Variants in MAN2A1 observed in about 807,000 individuals in gnomAD.
The protein encoded by MAN2A1 is mannosidase alpha class 2A member 1.
MAN2A1 carries 76 observed loss-of-function variants against 142.6 expected under a neutral mutation model. The observed-to-expected ratio is 0.53, with a 90% CI of 0.44 to 0.65. MAN2A1 has a LOEUF of 0.65. Ranked by LOEUF, MAN2A1 falls within the 30% of genes least tolerant of loss-of-function variation. The probability of loss-of-function intolerance (pLI) is 0.00; values close to 1 mark genes in which losing one functional copy is unlikely to be tolerated. For missense variants in MAN2A1, 1,311 were observed against 1,365.1 expected (o/e 0.96, Z 0.62); for synonymous variants, 559 against 473.2 (o/e 1.18, Z -2.35).
chr5:109,804,517 TTG>T (rs1424692414), intron 12 of MAN2A1, among the ~76,000 whole-genome samples: 1 of 152,152 alleles, frequency 6.6e-6, no homozygotes, highest in Non-Finnish European at 1.5e-5. Context: ...CTTTTATCCC[TTG>T]TGACATTGTG....
chr5:109,725,704 G>A (rs1030764991), intron 3 of MAN2A1, among the ~76,000 whole-genome samples: 3 of 152,176 alleles, frequency 2.0e-5, no homozygotes, highest in Non-Finnish European at 4.4e-5. Context: ...GGTACTTAGT[G>A]TATATGCCCT....
intron 18 of MAN2A1, among the ~76,000 whole-genome samples, chr5:109,847,078 A>G (rs1034988536): frequency 6.6e-6 from 1 of 152,182 alleles, no homozygotes; most frequent in Non-Finnish European, 1.5e-5. Context: ...ATATTGATAC[A>G]ATTTTTTAAA....
intron 12 of MAN2A1, among the ~76,000 whole-genome samples, chr5:109,801,047 A>G (rs951265582): frequency 8.5e-5 from 13 of 152,158 alleles, no homozygotes; most frequent in Non-Finnish European, 1.5e-4. Context: ...TCTTGTATGT[A>G]TAGTGTTTCA....
In MAN2A1 at chr5:109,819,695, A is replaced by G. The variant is rs751070682; in HGVS notation, c.2136A>G (p.Pro712=). 2 of 1,607,556 alleles carry G rather than the reference A, an allele frequency of 1.2e-6. No individual in the cohort carries two copies. Among genetic ancestry groups the G allele is most frequent in the African/African-American group, 2.7e-5 (2 of 74,662 alleles). ...YEISFRAHIP[P]LGLKVYKILE... is the part of the protein sequence containing the mutation. ...TCTCTTTTCGAGCACATATACCGCCATTGGGACTGAAAGTGTATAAGATTT... is the reference window on the plus strand; with the variant it reads ...TCTCTTTTCGAGCACATATACCGCCGTTGGGACTGAAAGTGTATAAGATTT... The change falls in exon 14 of 22, where the codon CCA becomes CCG. Residue 712 remains proline (P), a synonymous_variant. Coordinates refer to ENST00000261483, the MANE Select transcript of MAN2A1 (RefSeq NM_002372.4).
In MAN2A1 at chr5:109,690,520, A is replaced by G; in HGVS notation, c.103A>G (p.Arg35Gly). 1 of 1,612,138 alleles carries G rather than the reference A, an allele frequency of 6.2e-7. No individual in the cohort carries two copies. Among genetic ancestry groups the G allele is most frequent in the African/African-American group, 1.3e-5 (1 of 74,974 alleles). ...MLDRGHLDYP[R>G]NPRREGSFPQ... The stretch of plus-strand genomic sequence containing the variant: ...GGACCGGGGTCACTTAGACTACCCC[A>G]GGAACCCGCGCCGCGAGGGCTCCTT... Residue 35 changes from arginine to glycine, a missense_variant, in exon 1 of 22, where the codon AGG (arginine) becomes GGG (glycine). Physicochemically the swap from Arg to Gly is moderately radical, Grantham distance 125 (BLOSUM62 -2). Coordinates refer to ENST00000261483, the MANE Select transcript of MAN2A1 (RefSeq NM_002372.4).
At chr5:109,795,096 A>G (rs1473339486) in intron 12 of MAN2A1, among the ~76,000 whole-genome samples, 4 of 152,174 alleles carry the variant, frequency 2.6e-5, no homozygotes, top group African/African-American at 9.6e-5. Flanking sequence ...AATTATTTGC[A>G]TTGACTAGTG....
intron 4 of MAN2A1, among the ~76,000 whole-genome samples, chr5:109,731,203 TTCTTG>T (rs1187994948): frequency 6.6e-6 from 1 of 151,956 alleles, no homozygotes; most frequent in Non-Finnish European, 1.5e-5. Context: ...ATTTATCATT[TTCTTG>T]TCTTAGGAAT....
At chr5:109,723,871 T>A (rs1289876920) in intron 3 of MAN2A1, among the ~76,000 whole-genome samples, 1 of 152,238 alleles carries the variant, frequency 6.6e-6, no homozygotes, top group Non-Finnish European at 1.5e-5. Flanking sequence ...TTTCTTCTTT[T>A]CTTTTGGTAA....
intron 8 of MAN2A1, 24 bp downstream of exon 8, chr5:109,774,989 C>A: frequency 1.3e-6 from 2 of 1,503,300 alleles, no homozygotes; most frequent in Non-Finnish European, 1.8e-6. Flanking sequence ...ATTTATGATT[C>A]CGTATTTGAA....
chr5:109,847,520 G>T (rs536011924), intron 18 of MAN2A1, 137 bp from the exon 19 acceptor site: 3 of 624,988 alleles, frequency 4.8e-6, no homozygotes, highest in South Asian at 7.7e-5. Flanking sequence ...TGGTGTAGTG[G>T]GTTGTATAAA....
chr5:109,824,011 A>G (rs1754696993), intron 16 of MAN2A1, among the ~76,000 whole-genome samples, 174 bp downstream of exon 16: 1 of 152,248 alleles, frequency 6.6e-6, no homozygotes, highest in South Asian at 2.1e-4. Context: ...AAAAAATGGT[A>G]AAACGTTTCA....
At chr5:109,779,598 T>C (rs1439763782) in intron 8 of MAN2A1, among the ~76,000 whole-genome samples, 2 of 147,692 alleles carry the variant, frequency 1.4e-5, no homozygotes, top group Non-Finnish European at 1.5e-5. Flanking sequence ...CACACAGTCT[T>C]CTTCCTAGTA....
chr5:109,692,604 T>C (rs1273870228), intron 1 of MAN2A1, among the ~76,000 whole-genome samples: 2 of 152,188 alleles, frequency 1.3e-5, no homozygotes, highest in Non-Finnish European at 2.9e-5. Flanking sequence ...AGCTGAGATT[T>C]GAACAGGTAG....
intron 12 of MAN2A1, among the ~76,000 whole-genome samples, chr5:109,816,643 A>T (rs1443142939): frequency 1.3e-5 from 2 of 152,188 alleles, no homozygotes; most frequent in Admixed American, 6.5e-5. Context: ...ACTGGAACTC[A>T]TTGTGATGAA....
chr5:109,758,596 G>A (rs930466742), intron 5 of MAN2A1, among the ~76,000 whole-genome samples: 2 of 150,728 alleles, frequency 1.3e-5, no homozygotes, highest in African/African-American at 2.4e-5. Context: ...TTATAAAGAT[G>A]TACTACTGTC....
chr5:109,830,267 C>T lies in MAN2A1; in HGVS notation c.2566+6430C>T, dbSNP rs770981923. On this transcript the variant is annotated intron_variant, in intron 16 of 21. Coordinates refer to ENST00000261483, the MANE Select transcript of MAN2A1 (RefSeq NM_002372.4). ...TTGGAGATCCAAATCCTTAGTTTTG[C>T]CTCTAAGCAAACTAGAGGAGTATGG... is the stretch of plus-strand genomic sequence containing the variant. Among the ~76,000 whole-genome samples, 63 of 152,308 alleles carry T rather than the reference C, an allele frequency of 4.1e-4. 1 individual carries two copies. The highest frequency in any genetic ancestry group is 3.4e-3 in the Middle Eastern group (1 of 294).
At chr5:109,842,114 A>T (rs79123305) in intron 16 of MAN2A1, among the ~76,000 whole-genome samples, 3,929 of 152,318 alleles carry the variant, frequency 0.026, 176 homozygotes, top group African/African-American at 0.089. Flanking sequence ...TCTTTAGATG[A>T]ATAATATGCT....
At chr5:109,759,352 A>G (rs1378170593) in intron 5 of MAN2A1, among the ~76,000 whole-genome samples, 1 of 151,972 alleles carries the variant, frequency 6.6e-6, no homozygotes, top group Admixed American at 6.6e-5. Context: ...TCTTAATTTC[A>G]TTTTAGGATT....
At chr5:109,819,513 T>G (rs918077647) in intron 13 of MAN2A1, among the ~76,000 whole-genome samples, 156 bp from the exon 14 acceptor site, 3 of 152,198 alleles carry the variant, frequency 2.0e-5, no homozygotes, top group Admixed American at 1.3e-4. Context: ...TGTAATTGGT[T>G]GAAACTGTGG....
Sources: allele counts gnomAD v4.1 joint callset (sites outside exome capture counted in the v4.1 genomes callset), GRCh38; gene constraint gnomAD v4.1.1; transcripts MANE v1.5; gene names NCBI Gene and HGNC (gene_info 2026-07-23, HGNC 2026-07-21).